ADD2: variants seen among roughly 807,000 people sequenced by gnomAD.
ADD2 encodes the protein adducin 2.
In ADD2, 23 loss-of-function variants were observed where a neutral mutation model predicts 83.0. The ratio of observed to expected loss-of-function variants is 0.28; its 90% CI spans 0.20 to 0.39. The LOEUF is 0.39. ADD2 is among the 10% of genes least tolerant of loss of function. The pLI is 1.00. For missense variants in ADD2, 758 were observed against 944.9 expected (o/e 0.80, Z 2.59); for synonymous variants, 375 against 375.4 (o/e 1.00, Z 0.01).
At chr2:70,718,258 T>G (rs1005528017) in intron 1 of ADD2, among the ~76,000 whole-genome samples, 2 of 152,194 alleles carry the variant, frequency 1.3e-5, no homozygotes, top group African/African-American at 4.8e-5. Context: ...ACCCTCTAAC[T>G]AAATAAACAG....
At chr2:70,666,204 C>G (rs1415196768) in intron 15 of ADD2, among the ~76,000 whole-genome samples, 3 of 152,230 alleles carry the variant, frequency 2.0e-5, no homozygotes, top group Non-Finnish European at 4.4e-5. Context: ...CACTAGCTCA[C>G]AGAAGGCACT....
chr2:70,711,686 C>T (rs1030867726), intron 2 of ADD2, among the ~76,000 whole-genome samples: 4 of 152,158 alleles, frequency 2.6e-5, no homozygotes, highest in Non-Finnish European at 5.9e-5. Context: ...GGAGAGAGCA[C>T]GGAAGCTCTG....
chr2:70,724,788 T>A (rs1212993087), intron 1 of ADD2, among the ~76,000 whole-genome samples: 1 of 152,164 alleles, frequency 6.6e-6, no homozygotes, highest in East Asian at 1.9e-4. Flanking sequence ...GTGCTCTACA[T>A]CCTACACATG....
At chr2:70,675,848 T>C in intron 13 of ADD2, 4 of 985,054 alleles carry the variant, frequency 4.1e-6, no homozygotes, top group Non-Finnish European at 4.8e-6. Flanking sequence ...CAGGGGAGAT[T>C]TTTGTTTGTT....
intron 1 of ADD2, among the ~76,000 whole-genome samples, chr2:70,737,239 G>T (rs1178582843): frequency 6.6e-6 from 1 of 152,086 alleles, no homozygotes; most frequent in Admixed American, 6.6e-5. Context: ...ATACCCAAAG[G>T]ATTATAAATC....
At chr2:70,715,627 C>T (rs1672423336) in intron 1 of ADD2, among the ~76,000 whole-genome samples, 1 of 152,104 alleles carries the variant, frequency 6.6e-6, no homozygotes, top group African/African-American at 2.4e-5. Context: ...TTGTTGGCTG[C>T]CCTCTGAACT....
At chr2:70,746,711 A>G (rs1553382056) in intron 1 of ADD2, among the ~76,000 whole-genome samples, 1 of 152,104 alleles carries the variant, frequency 6.6e-6, no homozygotes, top group African/African-American at 2.4e-5. Flanking sequence ...TAGCCCTAGG[A>G]TACTCACTGA....
intron 1 of ADD2, among the ~76,000 whole-genome samples, chr2:70,754,632 C>A (rs1674680093): frequency 6.6e-6 from 1 of 152,114 alleles, no homozygotes; most frequent in Non-Finnish European, 1.5e-5. Flanking sequence ...CTCATTCCTG[C>A]CGACGTTGAC....
In ADD2 at chr2:70,704,354, T is replaced by C; in HGVS notation, c.289A>G (p.Thr97Ala). ...LRQIADFMAS[T>A]SHAVFPTSSM... ...GATGTCGGGAAGACTGCGTGGGAGGTGCTGGCCATGAAGTCCGCGATCTGT... is the reference window on the plus strand; with the variant it reads ...GATGTCGGGAAGACTGCGTGGGAGGCGCTGGCCATGAAGTCCGCGATCTGT... Residue 97 changes from threonine (T) to alanine (A), a missense_variant, in exon 4 of 16, where the codon ACC becomes GCC. By Grantham distance (58) the Thr-to-Ala change is moderately conservative. Coordinates refer to ENST00000264436, the MANE Select transcript of ADD2 (RefSeq NM_001617.4). 6.9e-7 allele frequency: 1 copy of C among 1,444,360 alleles called. No homozygotes were observed. Among genetic ancestry groups the C allele is most frequent in the Non-Finnish European group, 9.2e-7 (1 of 1,082,104 alleles). 89.5% of individuals were successfully genotyped at this position (1,444,360 alleles called of 1,614,324 possible).
intron 5 of ADD2, among the ~76,000 whole-genome samples, chr2:70,696,030 A>G (rs1454596463): frequency 6.6e-6 from 1 of 152,218 alleles, no homozygotes; most frequent in Non-Finnish European, 1.5e-5. Flanking sequence ...TAGCTCTAGG[A>G]TAGGATCCAG....
chr2:70,707,057 CT>C (rs1457492276), intron 2 of ADD2, among the ~76,000 whole-genome samples: 9 of 152,164 alleles, frequency 5.9e-5, no homozygotes, highest in African/African-American at 2.2e-4. Context: ...ACAGGGCCTA[CT>C]AAGACTACTA....
chr2:70,709,994 G>A (rs1168954100), intron 2 of ADD2, among the ~76,000 whole-genome samples: 2 of 152,186 alleles, frequency 1.3e-5, no homozygotes, highest in African/African-American at 2.4e-5. Context: ...CAGGCAGCAC[G>A]GCAGAACAAA....
chr2:70,695,880 TC>T (rs1671280179), intron 5 of ADD2, 79 bp from the exon 6 acceptor site: 1 of 1,241,246 alleles, frequency 8.1e-7, no homozygotes, highest in Admixed American at 1.9e-5. Context: ...AATCCCCTCT[TC>T]CCCTGAATCT....
chr2:70,671,232 G>A (rs1163646699), intron 15 of ADD2, among the ~76,000 whole-genome samples: 1 of 152,210 alleles, frequency 6.6e-6, no homozygotes, highest in African/African-American at 2.4e-5. Context: ...GAGCGCCTGA[G>A]AGCCGTAAGC....
At chr2:70,756,443 T>G (rs1674797405) in intron 1 of ADD2, among the ~76,000 whole-genome samples, 1 of 138,016 alleles carries the variant, frequency 7.2e-6, no homozygotes, top group South Asian at 2.3e-4. Flanking sequence ...GACATTGGAG[T>G]CCTAAGAAAG....
intron 5 of ADD2, 67 bp downstream of exon 5, chr2:70,696,178 A>T (rs1574255419): frequency 1.9e-6 from 3 of 1,559,704 alleles, no homozygotes; most frequent in East Asian, 4.7e-5. Context: ...AAGGGTCAGG[A>T]GTTCTCCCTT....
At position 70,677,784 on chromosome 2, in the gene ADD2, G is replaced by T; in HGVS notation, c.1477C>A (p.Gln493Lys). The T allele has an allele frequency of 6.2e-7, 1 of 1,614,218 alleles. No homozygotes were observed. The highest frequency in any genetic ancestry group is 8.5e-7 in the Non-Finnish European group (1 of 1,180,026). ...TTGTTCCTCATCTCCAGTACTTCCT[G>T]GGGGTCAGTATAGAGAGGCACAAAT... is the stretch of plus-strand genomic sequence containing the variant. ...NQFVPLYTDPQEVLEMRNKIR... is the reference protein window; with the variant it reads ...NQFVPLYTDPKEVLEMRNKIR... Residue 493 changes from glutamine to lysine, a missense_variant, in exon 12 of 16, where the codon CAG becomes AAG. Physicochemically the swap from Gln to Lys is moderately conservative, Grantham distance 53. Transcript: ENST00000264436.
intron 15 of ADD2, 100 bp from the exon 16 acceptor site, chr2:70,663,835 A>G (rs1239454370): frequency 2.3e-6 from 3 of 1,305,508 alleles, no homozygotes; most frequent in Middle Eastern, 1.9e-4. Context: ...TATAAAATCA[A>G]TCCAGAGCGA....
intron 2 of ADD2, among the ~76,000 whole-genome samples, chr2:70,711,477 G>A (rs1672175863): frequency 6.6e-6 from 1 of 152,124 alleles, no homozygotes; most frequent in Non-Finnish European, 1.5e-5. Context: ...TAGAGATTGA[G>A]TCCAGACAAG....
Sources: allele counts gnomAD v4.1 joint callset (sites outside exome capture counted in the v4.1 genomes callset), GRCh38; gene constraint gnomAD v4.1.1; transcripts MANE v1.5; gene names NCBI Gene and HGNC (gene_info 2026-07-23, HGNC 2026-07-21).